Variants in LAMA2 observed in about 807,000 individuals in gnomAD.
LAMA2 encodes laminin subunit alpha 2.
Under a neutral mutation model 364.8 loss-of-function variants are expected in LAMA2, and 269 were observed. The observed-to-expected ratio is 0.74, with a 90% CI of 0.67 to 0.82. The LOEUF (loss-of-function observed/expected upper bound fraction) is 0.82, where lower values mean the gene tolerates loss of function less well. Among genes scored for constraint, LAMA2 ranks in the 40% least tolerant of loss-of-function variants. The probability of loss-of-function intolerance (pLI) is 0.00; values close to 1 mark genes in which losing one functional copy is unlikely to be tolerated. For synonymous variants in LAMA2, 1,379 were observed against 1,370.6 expected (o/e 1.01, Z -0.14); for missense variants, 3,807 against 3,873.2 (o/e 0.98, Z 0.45).
chr6:129,384,282 A>T (rs138489418), intron 35 of LAMA2, among the ~76,000 whole-genome samples: 1 of 152,290 alleles, frequency 6.6e-6, no homozygotes, highest in East Asian at 1.9e-4. Context: ...TGCTACTTGA[A>T]GTGTCCCCCT....
intron 29 of LAMA2, among the ~76,000 whole-genome samples, chr6:129,333,971 C>G (rs1230152501): frequency 6.6e-6 from 1 of 152,104 alleles, no homozygotes; most frequent in Non-Finnish European, 1.5e-5. Flanking sequence ...AAAATAAATA[C>G]TTCCATTAAA....
rs780034553 is a variant in LAMA2, at chr6:129,516,397, G to A, written c.*50G>A. On this transcript the variant is annotated 3_prime_UTR_variant, in exon 65 of 65. Coordinates refer to ENST00000421865, the MANE Select transcript of LAMA2 (RefSeq NM_000426.4). ...GAGTCTGTCAAAACAAGTATATCAAGTAAAACAAACAAATATATTTTACCT... is the reference window on the plus strand; with the variant it reads ...GAGTCTGTCAAAACAAGTATATCAAATAAAACAAACAAATATATTTTACCT... The A allele has an allele frequency of 6.4e-7, 1 of 1,556,904 alleles. No individual in the cohort carries two copies. The highest frequency in any genetic ancestry group is 1.4e-5 in the African/African-American group (1 of 72,916).
At chr6:129,043,728 G>T (rs555321522) in intron 1 of LAMA2, among the ~76,000 whole-genome samples, 3 of 152,108 alleles carry the variant, frequency 2.0e-5, no homozygotes, top group South Asian at 2.1e-4. Flanking sequence ...ATAGCACATT[G>T]TAGAAACTCT....
chr6:129,094,236 A>G (rs148508615), intron 3 of LAMA2, among the ~76,000 whole-genome samples: 2 of 152,382 alleles, frequency 1.3e-5, no homozygotes, highest in East Asian at 3.8e-4. Context: ...CTCAAAAACT[A>G]CATGACTTTC....
intron 9 of LAMA2, among the ~76,000 whole-genome samples, chr6:129,166,982 T>G (rs1469603835): frequency 6.6e-6 from 1 of 152,156 alleles, no homozygotes; most frequent in South Asian, 2.1e-4. Flanking sequence ...TTGTTTATTT[T>G]AACCAATCCT....
intron 30 of LAMA2, among the ~76,000 whole-genome samples, chr6:129,348,179 A>T (rs1466024452): frequency 6.6e-6 from 1 of 152,204 alleles, no homozygotes; most frequent in East Asian, 1.9e-4. Flanking sequence ...AATTTGTTGG[A>T]TAATGCGTTT....
chr6:128,980,070 A>G (rs1479195938), intron 1 of LAMA2, among the ~76,000 whole-genome samples: 1 of 152,236 alleles, frequency 6.6e-6, no homozygotes. Flanking sequence ...GGTTCATCAT[A>G]GTCAGCAGGG....
In LAMA2 at chr6:129,009,552, T is replaced by G. The variant is rs1784642907; in HGVS notation, c.113-40366T>G. ...ATTAAGTGTTTGACCTTTTGTGCCT[T>G]CTCAAATGTCCATTTTCAAAAAGAC... On this transcript the variant is annotated intron_variant, in intron 1 of 64. Coordinates refer to ENST00000421865, the MANE Select transcript of LAMA2 (RefSeq NM_000426.4). Among the ~76,000 whole-genome samples, 3 of 152,208 alleles carry G rather than the reference T, an allele frequency of 2.0e-5. No individual in the cohort carries two copies. The South Asian group carries it at 6.2e-4, about 32-fold the overall frequency.
intron 12 of LAMA2, among the ~76,000 whole-genome samples, chr6:129,204,194 C>A (rs533885839): frequency 6.6e-6 from 1 of 152,106 alleles, no homozygotes. Context: ...AATCAGTTAA[C>A]CAGATTTGTG....
intron 8 of LAMA2, among the ~76,000 whole-genome samples, chr6:129,160,152 A>G (rs908012411): frequency 1.3e-5 from 2 of 152,134 alleles, no homozygotes; most frequent in African/African-American, 4.8e-5. Context: ...TCTGTTTTCT[A>G]AAGTAACTTC....
chr6:129,299,126 G>T (rs1280358625), intron 21 of LAMA2, among the ~76,000 whole-genome samples: 1 of 151,490 alleles, frequency 6.6e-6, no homozygotes, highest in Admixed American at 6.6e-5. Flanking sequence ...TAGCATTCTG[G>T]CCCAAAGAAA....
intron 1 of LAMA2, among the ~76,000 whole-genome samples, chr6:129,044,735 A>T (rs557511843): frequency 6.6e-6 from 1 of 152,104 alleles, no homozygotes; most frequent in African/African-American, 2.4e-5. Context: ...CAGAAAAAAA[A>T]TGTCAATCAT....
At chr6:129,027,508 G>A (rs1157217123) in intron 1 of LAMA2, among the ~76,000 whole-genome samples, 1 of 151,948 alleles carries the variant, frequency 6.6e-6, no homozygotes, top group Non-Finnish European at 1.5e-5. Flanking sequence ...TGAAGATTCA[G>A]AAGAAGTATA....
At chr6:129,052,280 C>T (rs1465489232) in intron 2 of LAMA2, among the ~76,000 whole-genome samples, 1 of 150,382 alleles carries the variant, frequency 6.6e-6, no homozygotes, top group African/African-American at 2.4e-5. Flanking sequence ...GGACTGCAGG[C>T]GCACGTTGCC....
intron 40 of LAMA2, among the ~76,000 whole-genome samples, chr6:129,417,766 G>A (rs1029672647): frequency 1.3e-5 from 2 of 152,182 alleles, no homozygotes; most frequent in Admixed American, 1.3e-4. Context: ...AAATCCAGAA[G>A]GGGCCAAGAT....
At chr6:129,177,132 G>C (rs1780644502) in intron 9 of LAMA2, among the ~76,000 whole-genome samples, 1 of 152,106 alleles carries the variant, frequency 6.6e-6, no homozygotes, top group African/African-American at 2.4e-5. Flanking sequence ...TGTTAAAAAA[G>C]TAAATTTAAA....
intron 1 of LAMA2, among the ~76,000 whole-genome samples, chr6:128,975,561 G>T (rs1365830795): frequency 6.6e-6 from 1 of 152,194 alleles, no homozygotes. Flanking sequence ...TCTCCACCCA[G>T]ATCTCATCTT....
At chr6:129,303,184 G>A (rs1180006999) in intron 22 of LAMA2, among the ~76,000 whole-genome samples, 1 of 152,090 alleles carries the variant, frequency 6.6e-6, no homozygotes, top group Non-Finnish European at 1.5e-5. Flanking sequence ...ATTGTTAAAT[G>A]TATCCGTTTC....
At chr6:129,409,153 CT>C (rs1404685210) in intron 40 of LAMA2, among the ~76,000 whole-genome samples, 6 of 152,146 alleles carry the variant, frequency 3.9e-5, no homozygotes, top group African/African-American at 1.4e-4. Flanking sequence ...ATTCTGCCCC[CT>C]GGGAAGACTT....
Sources: allele counts gnomAD v4.1 joint callset (sites outside exome capture counted in the v4.1 genomes callset), GRCh38; gene constraint gnomAD v4.1.1; transcripts MANE v1.5; gene names NCBI Gene and HGNC (gene_info 2026-07-23, HGNC 2026-07-21).